Variants in SLC30A8 observed in about 807,000 individuals in gnomAD.
The protein encoded by SLC30A8 is solute carrier family 30 member 8.
Under a neutral mutation model 36.9 loss-of-function variants are expected in SLC30A8, and 27 were observed. That is an observed-to-expected ratio of 0.73 (90% CI 0.54 to 1.01). The LOEUF is 1.01. Ranked by LOEUF, SLC30A8 falls within the 50% of genes least tolerant of loss-of-function variation. SLC30A8 has a pLI of 0.00. For missense variants in SLC30A8, 439 were observed against 452.0 expected (o/e 0.97, Z 0.26); for synonymous variants, 164 against 172.4 (o/e 0.95, Z 0.38).
chr8:117,146,575 T>C (rs1212141552), intron 1 of SLC30A8, among the ~76,000 whole-genome samples: 1 of 151,980 alleles, frequency 6.6e-6, no homozygotes, highest in Non-Finnish European at 1.5e-5. Flanking sequence ...TATCGTAATG[T>C]ACCCTAATTT....
At chr8:117,126,815 G>A (rs191604513) in intron 2 of SLC30A8, among the ~76,000 whole-genome samples, 8 of 152,098 alleles carry the variant, frequency 5.3e-5, no homozygotes, top group Non-Finnish European at 1.0e-4. Context: ...GGAAAAACTC[G>A]AAATAGCTGA....
intron 2 of SLC30A8, among the ~76,000 whole-genome samples, chr8:117,082,084 A>C (rs1476700731): frequency 1.3e-5 from 2 of 152,214 alleles, no homozygotes; most frequent in African/African-American, 2.4e-5. Context: ...GCTATTCTTC[A>C]ATAGACTTAT....
intron 2 of SLC30A8, among the ~76,000 whole-genome samples, chr8:117,118,567 A>G (rs1185418933): frequency 1.3e-5 from 2 of 151,862 alleles, no homozygotes; most frequent in African/African-American, 4.8e-5. Context: ...GAGCATTCTT[A>G]ATGCATTGCC....
chr8:117,083,061 T>A (rs1387639903), intron 2 of SLC30A8, among the ~76,000 whole-genome samples: 1 of 152,156 alleles, frequency 6.6e-6, no homozygotes, highest in Admixed American at 6.5e-5. Flanking sequence ...TCTTCTCCAT[T>A]GTGGCAGAAA....
chr8:117,027,282 A>G (rs1816906381), intron 1 of SLC30A8, among the ~76,000 whole-genome samples: 1 of 152,124 alleles, frequency 6.6e-6, no homozygotes, highest in South Asian at 2.1e-4. Flanking sequence ...CACCCAAGCA[A>G]GTGCTCATGA....
intron 3 of SLC30A8, 143 bp from the exon 4 acceptor site, chr8:117,157,548 C>A: frequency 1.2e-6 from 1 of 845,366 alleles, no homozygotes. Flanking sequence ...AATCCATCCA[C>A]ACTTTTACTT....
rs1586507188 is a variant in SLC30A8, at chr8:117,097,555, A to G, written c.-225-37725A>G. On this transcript the variant is annotated intron_variant, in intron 2 of 10. Transcript: ENST00000427715. The stretch of plus-strand genomic sequence containing the variant: ...TATATAATATATAATTTTAAATAAT[A>G]TATATTATATATAATATATAATTTT... Among the ~76,000 whole-genome samples the G allele has an allele frequency of 5.8e-5, 6 of 102,978 alleles. No individual in the cohort carries two copies. In the South Asian group the frequency reaches 1.7e-3, roughly 29 times the overall value. 67.6% of individuals were successfully genotyped at this position (102,978 alleles called of 152,430 possible).
chr8:117,007,683 C>A (rs1816226825), intron 1 of SLC30A8, among the ~76,000 whole-genome samples: 1 of 152,176 alleles, frequency 6.6e-6, no homozygotes. Context: ...ACCCTCACAA[C>A]AACTCTGCTG....
intron 6 of SLC30A8, among the ~76,000 whole-genome samples, chr8:117,164,794 T>G (rs951156562): frequency 3.9e-5 from 6 of 152,100 alleles, no homozygotes; most frequent in Non-Finnish European, 8.8e-5. Flanking sequence ...AGTAGGATCT[T>G]ATGTTATTAA....
intron 1 of SLC30A8, among the ~76,000 whole-genome samples, chr8:116,996,817 A>T (rs1815836413): frequency 1.3e-5 from 2 of 152,192 alleles, no homozygotes; most frequent in South Asian, 4.1e-4. Flanking sequence ...ACTCAGTGGT[A>T]TTCAGGCATT....
intron 6 of SLC30A8, chr8:117,163,965 T>C (rs1822927515): frequency 6.3e-6 from 1 of 158,150 alleles, no homozygotes; most frequent in Non-Finnish European, 1.4e-5. Flanking sequence ...GCCCCAACTC[T>C]GTGCTAGGTA....
At chr8:117,139,667 G>A (rs139882664) in intron 1 of SLC30A8, among the ~76,000 whole-genome samples, 71 of 152,138 alleles carry the variant, frequency 4.7e-4, no homozygotes, top group African/African-American at 1.4e-3. Flanking sequence ...ATCTGGGTGT[G>A]ATACCAACAC....
intron 1 of SLC30A8, among the ~76,000 whole-genome samples, chr8:117,139,291 G>A (rs1821525246): frequency 6.6e-6 from 1 of 152,034 alleles, no homozygotes; most frequent in African/African-American, 2.4e-5. Context: ...GGTTATAAGA[G>A]TGGGGTCCTG....
At chr8:117,048,098 A>C (rs1251861953) in intron 2 of SLC30A8, among the ~76,000 whole-genome samples, 1 of 152,176 alleles carries the variant, frequency 6.6e-6, no homozygotes, top group Non-Finnish European at 1.5e-5. Flanking sequence ...TTATTCCTTT[A>C]CTTTCCTATA....
chr8:117,136,857 G>A (rs1821387033), intron 1 of SLC30A8, among the ~76,000 whole-genome samples: 1 of 151,834 alleles, frequency 6.6e-6, no homozygotes, highest in African/African-American at 2.4e-5. Flanking sequence ...CCCATAAATA[G>A]GTATGGTTTT....
intron 2 of SLC30A8, among the ~76,000 whole-genome samples, chr8:117,111,443 T>G (rs1435200838): frequency 6.6e-6 from 1 of 152,130 alleles, no homozygotes; most frequent in African/African-American, 2.4e-5. Context: ...CACCCTACCT[T>G]TCCTTTGGGT....
At chr8:117,036,035 C>T (rs1817202691) in intron 1 of SLC30A8, among the ~76,000 whole-genome samples, 1 of 152,144 alleles carries the variant, frequency 6.6e-6, no homozygotes, top group Non-Finnish European at 1.5e-5. Context: ...GCTCTAGGGG[C>T]ATTTTCCCCA....
chr8:116,988,159 A>G (rs1815511942), intron 1 of SLC30A8, among the ~76,000 whole-genome samples: 1 of 152,200 alleles, frequency 6.6e-6, no homozygotes, highest in South Asian at 2.1e-4. Context: ...TCTTCTGATA[A>G]ACTCACCCAT....
intron 2 of SLC30A8, among the ~76,000 whole-genome samples, chr8:117,064,606 C>T (rs1818112851): frequency 1.3e-5 from 2 of 152,214 alleles, no homozygotes; most frequent in Non-Finnish European, 2.9e-5. Flanking sequence ...AGTAAGAGAA[C>T]CTGTCACAGA....
Sources: allele counts gnomAD v4.1 joint callset (sites outside exome capture counted in the v4.1 genomes callset), GRCh38; gene constraint gnomAD v4.1.1; transcripts MANE v1.5; gene names NCBI Gene and HGNC (gene_info 2026-07-23, HGNC 2026-07-21).